Variants in ERBB4 observed in about 807,000 individuals in gnomAD.
ERBB4 encodes erb-b2 receptor tyrosine kinase 4, also known as receptor tyrosine-protein kinase erbB-4.
A neutral mutation model predicts 158.0 loss-of-function variants in ERBB4; 42 were observed. The observed-to-expected ratio is 0.27, with a 90% CI of 0.21 to 0.34. The LOEUF is 0.34. ERBB4 is among the 10% of genes least tolerant of loss of function. ERBB4 has a pLI of 1.00. For missense variants in ERBB4, 1,333 were observed against 1,624.1 expected, an observed-to-expected ratio of 0.82 and a Z score of 3.08; for synonymous variants, 583 against 558.7, an observed-to-expected ratio of 1.04 and a Z score of -0.61.
intron 3 of ERBB4, among the ~76,000 whole-genome samples, chr2:211,904,667 G>A (rs1439534604): frequency 1.3e-5 from 2 of 151,946 alleles, no homozygotes; most frequent in Non-Finnish European, 2.9e-5. Flanking sequence ...GAAATAAAAA[G>A]CAAAATTATA....
At position 212,466,308 on chromosome 2, in the gene ERBB4, T is replaced by G. The variant is rs1221281768; in HGVS notation, c.82+72141A>C. Among the ~76,000 whole-genome samples the G allele has an allele frequency of 2.6e-5, 4 of 152,174 alleles. No homozygotes were observed. In the East Asian group the frequency reaches 7.7e-4, roughly 29 times the overall value. ...ATTGAAAATACTGTATTTGCAAGAT[T>G]TGAAACCCAAATATATGAAGGACCA... On this transcript the variant is annotated intron_variant, in intron 1 of 27. Coordinates refer to ENST00000342788, the MANE Select transcript of ERBB4 (RefSeq NM_005235.3).
chr2:212,272,407 G>T (rs1041868233), intron 1 of ERBB4, among the ~76,000 whole-genome samples: 24 of 151,682 alleles, frequency 1.6e-4, no homozygotes, highest in African/African-American at 5.1e-4. Flanking sequence ...TAGTCAGATG[G>T]GGCAATATGA....
chr2:211,993,542 C>A (rs1013040606), intron 2 of ERBB4, among the ~76,000 whole-genome samples: 11 of 151,724 alleles, frequency 7.3e-5, no homozygotes, highest in African/African-American at 2.7e-4. Context: ...AACGTTATCA[C>A]CCCAGATTTC....
intron 7 of ERBB4, among the ~76,000 whole-genome samples, chr2:211,717,027 G>A (rs1316365659): frequency 6.6e-6 from 1 of 152,102 alleles, no homozygotes; most frequent in African/African-American, 2.4e-5. Context: ...AAAGAAAAGG[G>A]GAATTCTCTA....
At position 211,378,214 on chromosome 2, in the gene ERBB4, T is replaced by G; in HGVS notation, c.*5401A>C. The G allele has an allele frequency of 4.3e-6, 1 of 233,106 alleles. No individual in the cohort carries two copies. The highest frequency in any genetic ancestry group is 8.5e-6 in the Non-Finnish European group (1 of 117,660). 14.4% of individuals were successfully genotyped at this position (233,106 alleles called of 1,614,324 possible). On this transcript the variant is annotated 3_prime_UTR_variant, in exon 28 of 28. Coordinates refer to ENST00000342788, the MANE Select transcript of ERBB4 (RefSeq NM_005235.3). ...CTTTGATTCCTAACAAGGTAATCACTTACTTGCAAAGCTGACTGTCAAAGA... is the reference window on the plus strand; with the variant it reads ...CTTTGATTCCTAACAAGGTAATCACGTACTTGCAAAGCTGACTGTCAAAGA...
At chr2:211,923,246 G>A (rs1175114242) in intron 3 of ERBB4, among the ~76,000 whole-genome samples, 1 of 152,120 alleles carries the variant, frequency 6.6e-6, no homozygotes, top group Admixed American at 6.6e-5. Flanking sequence ...GTAGAATTAC[G>A]AGAAGGCAGG....
At chr2:212,013,623 G>A (rs1418713930) in intron 2 of ERBB4, among the ~76,000 whole-genome samples, 1 of 152,154 alleles carries the variant, frequency 6.6e-6, no homozygotes, top group Non-Finnish European at 1.5e-5. Context: ...TGGACACAGG[G>A]ACACAGTCAC....
intron 3 of ERBB4, among the ~76,000 whole-genome samples, chr2:211,809,113 C>G (rs1272925720): frequency 6.6e-6 from 1 of 152,262 alleles, no homozygotes; most frequent in Middle Eastern, 3.4e-3. Context: ...ATTGAATACC[C>G]TTCATTTCTT....
At chr2:211,923,964 G>A (rs1447516408) in intron 3 of ERBB4, among the ~76,000 whole-genome samples, 1 of 151,878 alleles carries the variant, frequency 6.6e-6, no homozygotes, top group African/African-American at 2.4e-5. Flanking sequence ...TCACTTGATC[G>A]ACTCACCTCG....
At chr2:211,436,028 C>G (rs926621681) in intron 20 of ERBB4, among the ~76,000 whole-genome samples, 1 of 151,978 alleles carries the variant, frequency 6.6e-6, no homozygotes, top group African/African-American at 2.4e-5. Context: ...ATGATCAGGG[C>G]TCACTGCAGC....
chr2:211,842,317 C>G (rs1186122179), intron 3 of ERBB4, among the ~76,000 whole-genome samples: 1 of 151,600 alleles, frequency 6.6e-6, no homozygotes, highest in African/African-American at 2.4e-5. Context: ...AACATTTTTC[C>G]TTGTTAATAC....
intron 1 of ERBB4, among the ~76,000 whole-genome samples, chr2:212,197,363 A>C (rs138425444): frequency 1.5e-3 from 235 of 152,280 alleles, no homozygotes; most frequent in Middle Eastern, 6.8e-3. Flanking sequence ...ATTTAGAAGA[A>C]AACTGTTAGC....
intron 19 of ERBB4, among the ~76,000 whole-genome samples, chr2:211,575,191 T>C (rs1401673371): frequency 6.6e-6 from 1 of 152,212 alleles, no homozygotes; most frequent in Non-Finnish European, 1.5e-5. Context: ...TAGGTAGATC[T>C]AGCAGATTTT....
intron 1 of ERBB4, among the ~76,000 whole-genome samples, chr2:212,401,510 A>G (rs1315405240): frequency 2.0e-5 from 3 of 152,054 alleles, no homozygotes; most frequent in Admixed American, 6.6e-5. Context: ...CACTACTAAA[A>G]CAGATCTGCA....
intron 1 of ERBB4, among the ~76,000 whole-genome samples, chr2:212,246,235 C>CT (rs956757356): frequency 6.6e-6 from 1 of 152,174 alleles, no homozygotes; most frequent in African/African-American, 2.4e-5. Context: ...GCTAATAAGA[C>CT]TTTCAGCAAA....
At chr2:211,404,450 G>A (rs1226641609) in intron 25 of ERBB4, among the ~76,000 whole-genome samples, 1 of 151,996 alleles carries the variant, frequency 6.6e-6, no homozygotes, top group Non-Finnish European at 1.5e-5. Flanking sequence ...CAATATAATA[G>A]AGAGAACAGA....
chr2:211,706,491 A>G (rs1328305289), intron 9 of ERBB4, among the ~76,000 whole-genome samples: 3 of 151,856 alleles, frequency 2.0e-5, no homozygotes, highest in African/African-American at 7.3e-5. Context: ...TCTTGAAAAG[A>G]GTATCAGTTC....
At chr2:211,943,083 T>G (rs753396152) in intron 3 of ERBB4, among the ~76,000 whole-genome samples, 1 of 152,082 alleles carries the variant, frequency 6.6e-6, no homozygotes, top group Non-Finnish European at 1.5e-5. Flanking sequence ...AGATATAAAC[T>G]TAAGTATTTA....
In ERBB4 at chr2:212,222,320, G is replaced by T. The variant is rs1306055029; in HGVS notation, c.83-97417C>A. On this transcript the variant is annotated intron_variant, in intron 1 of 27. Coordinates refer to ENST00000342788, the MANE Select transcript of ERBB4 (RefSeq NM_005235.3). ...ATTCTAATTGCTGTCAATATATTCT[G>T]CTTCCTTAAAAGCTCTCATTCACAT... Among the ~76,000 whole-genome samples the T allele has an allele frequency of 2.0e-5, 3 of 151,364 alleles. No individual in the cohort carries two copies. In the East Asian group the frequency reaches 5.8e-4, roughly 29 times the overall value.
Sources: gnomAD v4.1 joint callset for allele counts (sites outside exome capture counted in the v4.1 genomes callset) on GRCh38, gnomAD v4.1.1 for gene constraint, MANE v1.5 for transcripts, NCBI Gene and HGNC (gene_info 2026-07-23, HGNC 2026-07-21) for gene names.